The following BLNK variants were observed in gnomAD, a reference collection of about 807,000 sequenced individuals.
The protein encoded by BLNK is B cell linker.
Under a neutral mutation model 73.5 loss-of-function variants are expected in BLNK, and 29 were observed. That is an observed-to-expected ratio of 0.39 (90% CI 0.29 to 0.54). BLNK has a LOEUF of 0.54. Among genes scored for constraint, BLNK ranks in the 20% least tolerant of loss-of-function variants. BLNK has a pLI of 0.61. For missense variants in BLNK, 460 were observed against 562.8 expected (o/e 0.82, Z 1.85); for synonymous variants, 176 against 200.8 (o/e 0.88, Z 1.04).
At chr10:96,238,401 G>T (rs1842772256) in intron 3 of BLNK, among the ~76,000 whole-genome samples, 1 of 152,148 alleles carries the variant, frequency 6.6e-6, no homozygotes, top group Non-Finnish European at 1.5e-5. Context: ...CCAATGTGTG[G>T]GGGGAAAATG....
intron 8 of BLNK, among the ~76,000 whole-genome samples, chr10:96,210,644 G>A (rs2083924593): frequency 6.6e-6 from 1 of 152,124 alleles, no homozygotes; most frequent in Admixed American, 6.5e-5. Flanking sequence ...GAAGCAGGAT[G>A]GATCTTCACT....
chr10:96,248,114 A>G (rs1413026962), intron 1 of BLNK, among the ~76,000 whole-genome samples: 2 of 152,248 alleles, frequency 1.3e-5, no homozygotes, highest in African/African-American at 4.8e-5. Flanking sequence ...AAGAATATGT[A>G]CAAAATCAAA....
At chr10:96,230,333 T>C (rs1424288291) in intron 4 of BLNK, among the ~76,000 whole-genome samples, 2 of 152,160 alleles carry the variant, frequency 1.3e-5, no homozygotes, top group Non-Finnish European at 2.9e-5. Context: ...TGCAAGTGAC[T>C]GAAACTTTCT....
At chr10:96,223,026 G>T (rs1261428267) in intron 6 of BLNK, among the ~76,000 whole-genome samples, 1 of 149,282 alleles carries the variant, frequency 6.7e-6, no homozygotes, top group Non-Finnish European at 1.5e-5. Flanking sequence ...CCTGAAACTG[G>T]TGATGAGCAG....
Position 96,221,972 on chromosome 10 carries a change from T to C in BLNK, c.525+1854A>G, listed in dbSNP as rs587624342. The stretch of plus-strand genomic sequence containing the variant: ...GAGAGGGGGATGCCCTGGGGCCCAG[T>C]TGCTTTGAGGCCATGGCTGGCCTGG... On this transcript the variant is annotated intron_variant, in intron 6 of 16. Coordinates refer to ENST00000224337, the MANE Select transcript of BLNK (RefSeq NM_013314.4). 7.9e-5 allele frequency among the ~76,000 whole-genome samples: 12 copies of C among 152,262 alleles called. No homozygotes were observed. The South Asian group carries it at 2.1e-3, about 26-fold the overall frequency.
intron 6 of BLNK, among the ~76,000 whole-genome samples, chr10:96,220,179 TCA>T (rs1554900770): frequency 6.6e-6 from 1 of 152,158 alleles, no homozygotes; most frequent in African/African-American, 2.4e-5. Flanking sequence ...GGTTTTCCCT[TCA>T]GATTCCACTG....
chr10:96,224,141 GT>G, intron 5 of BLNK, 152 bp from the exon 6 acceptor site: 1 of 894,812 alleles, frequency 1.1e-6, no homozygotes, highest in Non-Finnish European at 1.7e-6. Context: ...AAAGTGAAAT[GT>G]TAGGCCCAAA....
chr10:96,231,432 G>A (rs1055901949), intron 3 of BLNK, among the ~76,000 whole-genome samples: 5 of 152,194 alleles, frequency 3.3e-5, no homozygotes, highest in Non-Finnish European at 7.3e-5. Context: ...GCTGTGAGGG[G>A]CTGGGCGTTG....
intron 8 of BLNK, among the ~76,000 whole-genome samples, chr10:96,214,398 G>T (rs1424316482): frequency 6.6e-6 from 1 of 152,134 alleles, no homozygotes; most frequent in Non-Finnish European, 1.5e-5. Context: ...AGATGAAACT[G>T]GTAACATCTG....
At chr10:96,245,220 G>T (rs1843002082) in intron 2 of BLNK, among the ~76,000 whole-genome samples, 1 of 152,036 alleles carries the variant, frequency 6.6e-6, no homozygotes, top group Non-Finnish European at 1.5e-5. Flanking sequence ...CACCAAAAGT[G>T]ATTTCTTATT....
intron 2 of BLNK, among the ~76,000 whole-genome samples, chr10:96,245,254 C>T (rs77220771): frequency 1.2e-4 from 19 of 152,154 alleles, no homozygotes; most frequent in Admixed American, 2.6e-4. Context: ...TAGATTAAAA[C>T]GAATAAGGAT....
intron 6 of BLNK, among the ~76,000 whole-genome samples, chr10:96,218,961 G>A (rs2084131415): frequency 6.6e-6 from 1 of 152,180 alleles, no homozygotes; most frequent in Non-Finnish European, 1.5e-5. Flanking sequence ...ATACAGACCT[G>A]GGAGGAAATC....
chr10:96,246,617 G>A (rs1395527892), intron 2 of BLNK, among the ~76,000 whole-genome samples: 5 of 152,230 alleles, frequency 3.3e-5, no homozygotes, highest in Admixed American at 3.3e-4. Context: ...ATGGCATCTT[G>A]AAGAAGCTAG....
intron 1 of BLNK, among the ~76,000 whole-genome samples, chr10:96,254,267 T>C (rs1843417389): frequency 6.6e-6 from 1 of 152,160 alleles, no homozygotes. Flanking sequence ...ACACTGGCAA[T>C]GGAATTTTAG....
chr10:96,200,070 C>G lies in BLNK; in HGVS notation c.1095+5G>C. On this transcript the variant is annotated splice_donor_5th_base_variant and intron_variant, in intron 15 of 16. Transcript: ENST00000224337. The surrounding 1 kb of genome is among the most constrained non-coding windows in gnomAD (Gnocchi z 4.3). The stretch of plus-strand genomic sequence containing the variant: ...AAAAATAATAAATAATAAAAATGAT[C>G]AGACCTTGTTTGATCTGTGCAATGC... The G allele has an allele frequency of 6.6e-7, 1 of 1,521,162 alleles. No individual in the cohort carries two copies. Among genetic ancestry groups the G allele is most frequent in the African/African-American group, 1.4e-5 (1 of 72,500 alleles). The allele number at this position is 1,521,162 out of a possible 1,614,324, so 94.2% of individuals were successfully genotyped here.
intron 4 of BLNK, among the ~76,000 whole-genome samples, chr10:96,229,654 C>CTGTG (rs10625497): frequency 0.35 from 50,033 of 142,300 alleles, 9,705 homozygotes; most frequent in South Asian, 0.47. Context: ...TTACATGTGG[C>CTGTG]TGTGTGTGTG....
intron 2 of BLNK, 23 bp from the exon 3 acceptor site, chr10:96,242,807 A>C (rs1842920442): frequency 6.2e-6 from 10 of 1,605,090 alleles, no homozygotes; most frequent in Non-Finnish European, 8.5e-6. Flanking sequence ...ACCATGAGAC[A>C]AAAGGTCAGT....
intron 6 of BLNK, 143 bp from the exon 7 acceptor site, chr10:96,216,877 G>A: frequency 1.3e-6 from 1 of 754,950 alleles, no homozygotes; most frequent in Non-Finnish European, 2.3e-6. Context: ...ACAATTTGGT[G>A]ACTTTTAGTA....
At position 96,200,924 on chromosome 10, in the gene BLNK, T is replaced by C. The variant is rs1483771753; in HGVS notation, c.1011+58A>G. On this transcript the variant is annotated intron_variant, in intron 14 of 16. Transcript: ENST00000224337. The surrounding 1 kb of genome is among the most constrained non-coding windows in gnomAD (Gnocchi z 4.3). ...CCAAATGTCTTCTTCTCAGAAGACA[T>C]GCTCTTTCCTGCAGTTTCCTGGTAA... is the stretch of plus-strand genomic sequence containing the variant. 5 of 1,453,136 alleles carry C rather than the reference T, an allele frequency of 3.4e-6. No homozygotes were observed. The African/African-American group carries it at 5.6e-5, about 16-fold the overall frequency. 90.0% of individuals were successfully genotyped at this position (1,453,136 alleles called of 1,614,324 possible). A position where few individuals can be genotyped will look rare whatever the true frequency, so the allele number is the denominator to read the frequency against.
Sources: allele counts gnomAD v4.1 joint callset (sites outside exome capture counted in the v4.1 genomes callset), GRCh38; gene constraint gnomAD v4.1.1; non-coding constraint Gnocchi (gnomAD v3.1); transcripts MANE v1.5; gene names NCBI Gene and HGNC (gene_info 2026-07-23, HGNC 2026-07-21).